WDFY2: variants seen among roughly 807,000 people sequenced by gnomAD.
The protein encoded by WDFY2 is WD repeat and FYVE domain-containing protein 2.
A neutral mutation model predicts 56.4 loss-of-function variants in WDFY2; 36 were observed. The ratio of observed to expected loss-of-function variants is 0.64; its 90% confidence interval spans 0.49 to 0.84. WDFY2 has a LOEUF of 0.84. Ranked by LOEUF, WDFY2 falls within the 40% of genes least tolerant of loss-of-function variation. The pLI is 0.00. For missense variants in WDFY2, 444 were observed against 512.2 expected, an observed-to-expected ratio of 0.87 and a Z score of 1.29; for synonymous variants, 176 against 183.7, an observed-to-expected ratio of 0.96 and a Z score of 0.34.
At chr13:51,732,673 GA>G (rs1292819398) in intron 6 of WDFY2, among the ~76,000 whole-genome samples, 1 of 152,196 alleles carries the variant, frequency 6.6e-6, no homozygotes, top group Non-Finnish European at 1.5e-5. Flanking sequence ...TCAGTGTAAA[GA>G]TGCAAGTTCA....
At chr13:51,612,581 A>G (rs1475634222) in intron 1 of WDFY2, among the ~76,000 whole-genome samples, 1 of 152,240 alleles carries the variant, frequency 6.6e-6, no homozygotes, top group East Asian at 1.9e-4. Context: ...AAAGTGTATT[A>G]AACTCTGAGA....
In WDFY2 at chr13:51,763,461, C is replaced by G. The variant is rs1406957466; in HGVS notation, c.*3692C>G. On this transcript the variant is annotated 3_prime_UTR_variant, in exon 12 of 12. Coordinates refer to ENST00000298125, the MANE Select transcript of WDFY2 (RefSeq NM_052950.4). ...GGCTGCGATTCCCAGGCTTACAGCACTGCCCTTATGGAATATCACATTTTC... is the reference window on the plus strand; with the variant it reads ...GGCTGCGATTCCCAGGCTTACAGCAGTGCCCTTATGGAATATCACATTTTC... 1 of 152,238 alleles carries G rather than the reference C, an allele frequency of 6.6e-6. No homozygotes were observed. The highest frequency in any genetic ancestry group is 1.5e-5 in the Non-Finnish European group (1 of 68,046). 9.4% of individuals were successfully genotyped at this position (152,238 alleles called of 1,614,324 possible).
chr13:51,672,153 T>C (rs962468911), intron 2 of WDFY2, among the ~76,000 whole-genome samples: 10 of 152,222 alleles, frequency 6.6e-5, no homozygotes, highest in Non-Finnish European at 1.5e-4. Flanking sequence ...TTTTCCAGTG[T>C]TATCTTCTAG....
At chr13:51,713,594 C>T (rs558256168) in intron 4 of WDFY2, among the ~76,000 whole-genome samples, 4 of 152,216 alleles carry the variant, frequency 2.6e-5, no homozygotes, top group African/African-American at 9.6e-5. Context: ...AGGACAAGGC[C>T]AGGCGTAGTG....
intron 9 of WDFY2, 131 bp from the exon 10 acceptor site, chr13:51,756,201 C>T (rs1466669300): frequency 7.5e-6 from 10 of 1,335,442 alleles, no homozygotes; most frequent in Non-Finnish European, 1.0e-5. Context: ...CCCTTTAGTT[C>T]TGGGGCTCTC....
rs748955304 is a variant in WDFY2, at chr13:51,660,652, A to C, written c.194A>C (p.His65Pro). The C allele has an allele frequency of 6.2e-7, 1 of 1,613,798 alleles. No individual in the cohort carries two copies. Among genetic ancestry groups the C allele is most frequent in the Admixed American group, 1.7e-5 (1 of 60,006 alleles). The part of the protein sequence containing the change: ...DSGQYWPSVY[H>P]AMPSPCSCMS... ...GGACAGTATTGGCCAAGCGTATACC[A>C]TGCAATGCCTTGTAAGTATCCAAAT... The change falls in exon 2 of 12, where the codon CAT becomes CCT. Residue 65 changes from histidine to proline, a missense_variant. By Grantham distance (77) the His-to-Pro change is moderately conservative. Transcript: ENST00000298125.
intron 1 of WDFY2, among the ~76,000 whole-genome samples, chr13:51,604,158 G>A (rs562813560): frequency 4.0e-4 from 61 of 152,230 alleles, no homozygotes; most frequent in African/African-American, 1.3e-3. Flanking sequence ...ATTAATGCAC[G>A]CTGGAGCCAG....
intron 7 of WDFY2, among the ~76,000 whole-genome samples, chr13:51,745,759 A>C (rs1400736136): frequency 3.3e-5 from 5 of 149,322 alleles, no homozygotes; most frequent in African/African-American, 5.0e-5. Context: ...AAAAAAAAAA[A>C]AAAAAACCAG....
chr13:51,719,112 A>C lies in WDFY2; in HGVS notation c.335-86A>C, dbSNP rs963557217. On this transcript the variant is annotated intron_variant, in intron 4 of 11. Transcript: ENST00000298125. Reference sequence around the variant, plus strand: ...GTTCAGCTTATTCTGGGGTGGGGAGAAGAGAATGGTGCATCTCTGTGGGCC... The same window carrying C: ...GTTCAGCTTATTCTGGGGTGGGGAGCAGAGAATGGTGCATCTCTGTGGGCC... 4 of 1,566,238 alleles carry C rather than the reference A, an allele frequency of 2.6e-6. No homozygotes were observed. The African/African-American group carries it at 5.4e-5, about 21-fold the overall frequency.
chr13:51,703,698 C>A, intron 4 of WDFY2, 48 bp downstream of exon 4: 1 of 1,505,810 alleles, frequency 6.6e-7, no homozygotes, highest in Non-Finnish European at 9.1e-7. Flanking sequence ...TAAAATACTT[C>A]TTGGTGGTTT....
At chr13:51,703,315 A>G (rs1952020753) in intron 3 of WDFY2, among the ~76,000 whole-genome samples, 1 of 152,222 alleles carries the variant, frequency 6.6e-6, no homozygotes, top group Non-Finnish European at 1.5e-5. Context: ...AATTAGGTTT[A>G]TCTTCAGAAT....
In WDFY2 at chr13:51,584,495, G is replaced by A. The variant is rs187807199; in HGVS notation, c.-193G>A. 2.8e-6 allele frequency: 2 copies of A among 702,476 alleles called. No individual in the cohort carries two copies. Among genetic ancestry groups the A allele is most frequent in the East Asian group, 6.1e-5 (2 of 33,020 alleles). The allele number at this position is 702,476 out of a possible 1,614,324, so 43.5% of individuals were successfully genotyped here. ...GCCGGCTTGCATCCCAGGTCGTGGC[G>A]GTTTTGGTGCCTGAAGCAGGGAGCG... On this transcript the variant is annotated 5_prime_UTR_variant, in exon 1 of 12. Coordinates refer to ENST00000298125, the MANE Select transcript of WDFY2 (RefSeq NM_052950.4).
At chr13:51,620,281 G>A (rs1378369271) in intron 1 of WDFY2, among the ~76,000 whole-genome samples, 1 of 152,192 alleles carries the variant, frequency 6.6e-6, no homozygotes, top group East Asian at 1.9e-4. Context: ...GTGACCTCAG[G>A]TCCTTTTTGG....
intron 1 of WDFY2, among the ~76,000 whole-genome samples, chr13:51,650,606 G>C (rs1028657232): frequency 6.6e-6 from 1 of 152,110 alleles, no homozygotes; most frequent in African/African-American, 2.4e-5. Context: ...CTAATTTATT[G>C]AGAGTTTTTA....
At chr13:51,652,076 A>G (rs533990048) in intron 1 of WDFY2, among the ~76,000 whole-genome samples, 3 of 152,296 alleles carry the variant, frequency 2.0e-5, no homozygotes, top group African/African-American at 7.2e-5. Flanking sequence ...TGCTTTATGT[A>G]TCTGGGTGCT....
intron 5 of WDFY2, among the ~76,000 whole-genome samples, chr13:51,726,277 T>A (rs1424559566): frequency 6.6e-6 from 1 of 152,214 alleles, no homozygotes; most frequent in Non-Finnish European, 1.5e-5. Flanking sequence ...TGTATAAAGA[T>A]CTCCATTTTT....
intron 1 of WDFY2, among the ~76,000 whole-genome samples, chr13:51,618,346 T>C (rs954035444): frequency 5.9e-5 from 9 of 152,236 alleles, no homozygotes; most frequent in Admixed American, 1.3e-4. Flanking sequence ...TGATAATAAA[T>C]GGAGAATTGA....
chr13:51,693,442 C>G (rs1441146770), intron 3 of WDFY2, among the ~76,000 whole-genome samples: 1 of 151,720 alleles, frequency 6.6e-6, no homozygotes, highest in Non-Finnish European at 1.5e-5. Flanking sequence ...CGTTATGTAC[C>G]CAGTAGTCAT....
At chr13:51,622,380 G>C (rs1954748385) in intron 1 of WDFY2, among the ~76,000 whole-genome samples, 1 of 151,684 alleles carries the variant, frequency 6.6e-6, no homozygotes, top group Non-Finnish European at 1.5e-5. Context: ...ATATTTATAA[G>C]CCCACATACA....
Sources: gnomAD v4.1 joint callset for allele counts (sites outside exome capture counted in the v4.1 genomes callset) on GRCh38, gnomAD v4.1.1 for gene constraint, MANE v1.5 for transcripts, NCBI Gene and HGNC (gene_info 2026-07-23, HGNC 2026-07-21) for gene names.